The following TTLL11 variants were observed in gnomAD, a reference collection of about 807,000 sequenced individuals.
TTLL11 encodes the protein tubulin polyglutamylase TTLL11.
Under a neutral mutation model 51.7 loss-of-function variants are expected in TTLL11, and 42 were observed. That is an observed-to-expected ratio of 0.81 (90% CI 0.64 to 1.05). The LOEUF is 1.05. TTLL11 is among the 50% of genes least tolerant of loss of function. The pLI is 0.00. For synonymous variants in TTLL11, 381 were observed against 383.5 expected (o/e 0.99, Z 0.08); for missense variants, 799 against 940.4 (o/e 0.85, Z 1.97).
intron 6 of TTLL11, among the ~76,000 whole-genome samples, chr9:121,915,667 A>C (rs1840294167): frequency 6.6e-6 from 1 of 152,162 alleles, no homozygotes; most frequent in South Asian, 2.1e-4. Flanking sequence ...AGAACAAAAA[A>C]ATTGCTATTT....
chr9:122,031,685 A>G (rs1342777915), intron 3 of TTLL11, 38 bp downstream of exon 3: 3 of 1,605,928 alleles, frequency 1.9e-6, no homozygotes, highest in Non-Finnish European at 2.5e-6. Flanking sequence ...TGCAAGCATA[A>G]TATAATTCAG....
chr9:121,917,916 A>G (rs1369266614), intron 6 of TTLL11, among the ~76,000 whole-genome samples: 4 of 152,226 alleles, frequency 2.6e-5, no homozygotes, highest in Admixed American at 6.5e-5. Flanking sequence ...TTAGGCCATG[A>G]GAGAGTGACA....
chr9:121,907,710 G>A (rs756616757), intron 6 of TTLL11, among the ~76,000 whole-genome samples: 1 of 152,178 alleles, frequency 6.6e-6, no homozygotes, highest in Non-Finnish European at 1.5e-5. Flanking sequence ...CCAAGGGCAA[G>A]TAAGGCCTTT....
At chr9:121,875,674 C>T (rs1490691476) in intron 6 of TTLL11, among the ~76,000 whole-genome samples, 2 of 152,148 alleles carry the variant, frequency 1.3e-5, no homozygotes, top group Non-Finnish European at 2.9e-5. Context: ...ATGTTGAGAT[C>T]CAAGCCATCA....
intron 1 of TTLL11, among the ~76,000 whole-genome samples, chr9:122,052,632 T>C (rs1468659424): frequency 2.6e-5 from 4 of 152,168 alleles, no homozygotes; most frequent in Non-Finnish European, 5.9e-5. Flanking sequence ...TAAAAACTCT[T>C]CCTTCATCCA....
rs149701136 is a variant in TTLL11 at position 122,063,666 on chromosome 9, AAAC to A, written c.463-24301_463-24299del. 7.3e-3 allele frequency among the ~76,000 whole-genome samples: 1,106 copies of A among 152,324 alleles called. 15 individuals carry two copies. The highest frequency in any genetic ancestry group is 0.026 in the African/African-American group (1,065 of 41,568). On this transcript the variant is annotated intron_variant, in intron 1 of 8. Coordinates refer to ENST00000321582, the MANE Select transcript of TTLL11 (RefSeq NM_001139442.2). ...TCTTATGGTTCCTGTTTTGTTCTTA[AAAC>A]AACAGAAAAGCATGCTAATGCTTAA...
Position 122,092,788 on chromosome 9 carries a change from C to G in TTLL11, c.361G>C (p.Gly121Arg), listed in dbSNP as rs755867962. ...ACCGGCCGCTGGGAGCCGTTCTCGCCGGAACCGTGGCCCGAGCTCCGCTTG... is the reference window on the plus strand; with the variant it reads ...ACCGGCCGCTGGGAGCCGTTCTCGCGGGAACCGTGGCCCGAGCTCCGCTTG... ...SCKRSSGHGS[G>R]ENGSQRPVTV... is the part of the protein sequence containing the mutation. Residue 121 changes from glycine to arginine, a missense_variant, in exon 1 of 9, where the codon GGC becomes CGC. Transcript: ENST00000321582. 18 of 1,541,484 alleles carry G rather than the reference C, an allele frequency of 1.2e-5. No homozygotes were observed. The South Asian group carries it at 2.1e-4, about 18-fold the overall frequency.
rs545750235 is a variant in TTLL11 at position 121,822,719 on chromosome 9, C to A, written c.2001G>T (p.Pro667=). The A allele has an allele frequency of 1.3e-6, 2 of 1,550,914 alleles. No individual in the cohort carries two copies. Among genetic ancestry groups the A allele is most frequent in the African/African-American group, 2.7e-5 (2 of 73,150 alleles). Residue 667 remains proline (P), a synonymous_variant, in exon 9 of 9, where the codon CCG becomes CCT. Transcript: ENST00000321582. The surrounding 1 kb of genome is among the most constrained non-coding windows in gnomAD (Gnocchi z 5.8). ...CACGGTGTGGGGGCCGGCCCCCCGACGGGACGCCCCGGCCACACACCAGGC... is the reference window on the plus strand; with the variant it reads ...CACGGTGTGGGGGCCGGCCCCCCGAAGGGACGCCCCGGCCACACACCAGGC... ...EKRLVCGRGV[P]SGGRPPHRGP...
chr9:121,859,305 A>C (rs1260519653), intron 8 of TTLL11, among the ~76,000 whole-genome samples: 1 of 151,014 alleles, frequency 6.6e-6, no homozygotes, highest in East Asian at 2.0e-4. Flanking sequence ...AGCCTGGCCA[A>C]CATGATGAAA....
intron 4 of TTLL11, among the ~76,000 whole-genome samples, chr9:121,986,861 A>G (rs1390666837): frequency 6.6e-6 from 1 of 151,966 alleles, no homozygotes; most frequent in African/African-American, 2.4e-5. Flanking sequence ...CCTGCTTGCC[A>G]TAGACTGGAA....
chr9:121,969,668 G>C (rs747304423), intron 6 of TTLL11, among the ~76,000 whole-genome samples: 6 of 152,168 alleles, frequency 3.9e-5, no homozygotes, highest in African/African-American at 1.2e-4. Flanking sequence ...GAAGGGAAAG[G>C]CTGGGATTCC....
At chr9:121,913,384 C>T (rs1435844616) in intron 6 of TTLL11, among the ~76,000 whole-genome samples, 1 of 152,196 alleles carries the variant, frequency 6.6e-6, no homozygotes, top group East Asian at 1.9e-4. Flanking sequence ...TTACATAGTA[C>T]ATCACTGTCC....
intron 8 of TTLL11, among the ~76,000 whole-genome samples, chr9:121,826,171 T>TAC (rs1208971231): frequency 2.3e-5 from 2 of 87,016 alleles, no homozygotes; most frequent in Non-Finnish European, 4.4e-5. Flanking sequence ...TATATATATA[T>TAC]ATAACCAGTA....
intron 6 of TTLL11, among the ~76,000 whole-genome samples, chr9:121,924,765 T>C (rs886223973): frequency 7.4e-6 from 1 of 135,318 alleles, no homozygotes; most frequent in Non-Finnish European, 1.5e-5. Flanking sequence ...ACAAGCACTT[T>C]TTTTTTTTTT....
chr9:121,908,434 G>C (rs1840013044), intron 6 of TTLL11, among the ~76,000 whole-genome samples: 1 of 152,216 alleles, frequency 6.6e-6, no homozygotes, highest in Non-Finnish European at 1.5e-5. Flanking sequence ...ATGTCTCCAG[G>C]TTAGAAGGCT....
chr9:121,971,134 G>A (rs1483368743), intron 6 of TTLL11, among the ~76,000 whole-genome samples: 1 of 93,066 alleles, frequency 1.1e-5, no homozygotes, highest in Admixed American at 1.0e-4. Context: ...TCAGCCCCCC[G>A]CCCGGCCAGC....
chr9:121,893,245 T>C (rs1588102118), intron 6 of TTLL11, among the ~76,000 whole-genome samples: 1 of 151,804 alleles, frequency 6.6e-6, no homozygotes, highest in African/African-American at 2.4e-5. Context: ...GGGAAAAAAA[T>C]CACAGTTTAT....
intron 6 of TTLL11, among the ~76,000 whole-genome samples, chr9:121,921,971 T>A (rs1053577100): frequency 6.6e-6 from 1 of 152,090 alleles, no homozygotes; most frequent in Non-Finnish European, 1.5e-5. Flanking sequence ...ACTGAAAACT[T>A]TTCATCTGTG....
chr9:121,935,080 G>C lies in TTLL11; in HGVS notation c.1481+38929C>G, dbSNP rs137889654. The stretch of plus-strand genomic sequence containing the variant: ...AGTGATTCTTCTGCCTCGGCCTCCT[G>C]AGTAGCTGGGATTACAGGCATGCAC... On this transcript the variant is annotated intron_variant, in intron 6 of 8. Coordinates refer to ENST00000321582, the MANE Select transcript of TTLL11 (RefSeq NM_001139442.2). Among the ~76,000 whole-genome samples the C allele has an allele frequency of 7.0e-3, 1,055 of 151,770 alleles. 7 individuals carry two copies. Among genetic ancestry groups the C allele is most frequent in the Non-Finnish European group, 0.011 (763 of 67,958 alleles).
Sources: gnomAD v4.1 joint callset for allele counts (sites outside exome capture counted in the v4.1 genomes callset) on GRCh38, gnomAD v4.1.1 for gene constraint, Gnocchi (gnomAD v3.1) non-coding constraint, MANE v1.5 for transcripts, NCBI Gene and HGNC (gene_info 2026-07-23, HGNC 2026-07-21) for gene names.